SNTG1: variants seen among roughly 807,000 people sequenced by gnomAD.
SNTG1 encodes syntrophin gamma 1.
In SNTG1, 39 loss-of-function variants were observed where a neutral mutation model predicts 74.7. The observed-to-expected ratio is 0.52, with a 90% CI of 0.40 to 0.68. The LOEUF (loss-of-function observed/expected upper bound fraction) is 0.68. Ranked by LOEUF, SNTG1 falls within the 30% of genes least tolerant of loss-of-function variation. The pLI, the probability that SNTG1 is intolerant of heterozygous loss-of-function variation, is 0.00. For synonymous variants in SNTG1, 254 were observed against 217.1 expected (o/e 1.17, Z -1.49); for missense variants, 685 against 609.5 (o/e 1.12, Z -1.30).
chr8:50,076,882 T>A (rs1002970098), intron 1 of SNTG1, among the ~76,000 whole-genome samples: 1 of 152,122 alleles, frequency 6.6e-6, no homozygotes, highest in Non-Finnish European at 1.5e-5. Flanking sequence ...TAAAAAACAT[T>A]TAAGTAGATT....
chr8:50,323,126 T>C (rs971057352), intron 2 of SNTG1, among the ~76,000 whole-genome samples: 2 of 150,248 alleles, frequency 1.3e-5, no homozygotes, highest in African/African-American at 4.9e-5. Context: ...AAAAAAAAGA[T>C]ACTCTGATAC....
At chr8:50,466,940 T>A (rs1313923686) in intron 8 of SNTG1, among the ~76,000 whole-genome samples, 1 of 151,992 alleles carries the variant, frequency 6.6e-6, no homozygotes, top group Non-Finnish European at 1.5e-5. Context: ...GTTTTGGTTT[T>A]GCTTCTGGTA....
chr8:50,135,142 C>A (rs1018852342), intron 1 of SNTG1, among the ~76,000 whole-genome samples: 2 of 152,102 alleles, frequency 1.3e-5, no homozygotes, highest in African/African-American at 4.8e-5. Context: ...CAAAGCCCTA[C>A]CCCCTGTCAA....
In SNTG1 at chr8:50,172,545, T is replaced by C. The variant is rs2082843950; in HGVS notation, c.-102-16T>C. On this transcript the variant is annotated splice_polypyrimidine_tract_variant and intron_variant, in intron 1 of 18. Transcript: ENST00000642720. ...GAATGCTCATAGGACTTATTTTTTT[T>C]TATTTCTGCATCTAGACTGCTCTCC... 1 of 152,154 alleles carries C rather than the reference T, an allele frequency of 6.6e-6. No individual in the cohort carries two copies. Among genetic ancestry groups the C allele is most frequent in the Non-Finnish European group, 1.5e-5 (1 of 68,034 alleles). The allele number at this position is 152,154 out of a possible 1,614,324, so 9.4% of individuals were successfully genotyped here. A position where few individuals can be genotyped will look rare whatever the true frequency, so the allele number is the denominator to read the frequency against.
chr8:50,427,155 C>T (rs1587586514), intron 4 of SNTG1, among the ~76,000 whole-genome samples: 1 of 152,062 alleles, frequency 6.6e-6, no homozygotes, highest in East Asian at 1.9e-4. Context: ...GTAAAGGTTT[C>T]ATGAAAAGCA....
At chr8:50,019,413 T>C (rs1585918957) in intron 1 of SNTG1, among the ~76,000 whole-genome samples, 1 of 152,172 alleles carries the variant, frequency 6.6e-6, no homozygotes, top group East Asian at 1.9e-4. Context: ...TACCTTAAGA[T>C]GGATAAAGAA....
At chr8:50,537,025 T>C (rs1439331643) in intron 11 of SNTG1, among the ~76,000 whole-genome samples, 1 of 152,256 alleles carries the variant, frequency 6.6e-6, no homozygotes, top group African/African-American at 2.4e-5. Flanking sequence ...CTTATTGTAA[T>C]GGATTCAATA....
rs528289771 is a variant in SNTG1, at chr8:50,524,105, TC to T, written c.467-6070del. Among the ~76,000 whole-genome samples, 312 of 152,266 alleles carry T rather than the reference TC, an allele frequency of 2.0e-3. 2 individuals carry two copies. Among genetic ancestry groups the T allele is most frequent in the African/African-American group, 7.0e-3 (291 of 41,572 alleles). ...TGTTTTTTGTAGTTCCATGCTTTGA[TC>T]CTTTTATCAATTTCTTTTGTGTACC... On this transcript the variant is annotated intron_variant, in intron 9 of 18. Coordinates refer to ENST00000642720, the MANE Select transcript of SNTG1 (RefSeq NM_018967.5).
At chr8:50,669,047 G>C (rs947476049) in intron 15 of SNTG1, among the ~76,000 whole-genome samples, 1 of 151,930 alleles carries the variant, frequency 6.6e-6, no homozygotes, top group African/African-American at 2.4e-5. Flanking sequence ...AGAGTGTAGA[G>C]GAAAATTTAT....
intron 18 of SNTG1, among the ~76,000 whole-genome samples, chr8:50,773,319 G>A (rs1053424430): frequency 3.9e-5 from 6 of 152,212 alleles, no homozygotes; most frequent in Middle Eastern, 3.4e-3. Flanking sequence ...GAACCTAGAA[G>A]GGCACATGAA....
chr8:50,463,826 T>C (rs1729799914), intron 8 of SNTG1, among the ~76,000 whole-genome samples: 1 of 152,220 alleles, frequency 6.6e-6, no homozygotes, highest in Non-Finnish European at 1.5e-5. Context: ...TTCTCCTCTC[T>C]AGCTATGAAA....
chr8:50,013,493 AG>A, intron 1 of SNTG1, among the ~76,000 whole-genome samples: 1 of 151,900 alleles, frequency 6.6e-6, no homozygotes, highest in African/African-American at 2.4e-5. Flanking sequence ...ATAGATAGAT[AG>A]ATAGATAGAT....
intron 11 of SNTG1, among the ~76,000 whole-genome samples, chr8:50,548,455 G>C (rs999821438): frequency 6.6e-6 from 1 of 152,142 alleles, no homozygotes; most frequent in Non-Finnish European, 1.5e-5. Flanking sequence ...GAGCTGTCTT[G>C]GATAACATCA....
At chr8:50,292,920 G>A (rs1434785570) in intron 2 of SNTG1, among the ~76,000 whole-genome samples, 1 of 111,548 alleles carries the variant, frequency 9.0e-6, no homozygotes, top group East Asian at 6.5e-4. Context: ...CAGCATTGAA[G>A]GAGACCCTAG....
At chr8:50,182,030 T>G (rs537354896) in intron 2 of SNTG1, among the ~76,000 whole-genome samples, 89 of 152,324 alleles carry the variant, frequency 5.8e-4, no homozygotes, top group African/African-American at 2.0e-3. Context: ...CTACACTTCT[T>G]TGTTACAGTA....
chr8:50,569,122 G>A (rs1443136734), intron 12 of SNTG1: 2 of 152,176 alleles, frequency 1.3e-5, no homozygotes, highest in South Asian at 2.1e-4. Flanking sequence ...AGTTTGGCCA[G>A]TACTTAACTT....
At chr8:50,240,238 GGCTTTGCGTATTGTTT>G (rs1291930185) in intron 2 of SNTG1, among the ~76,000 whole-genome samples, 1 of 152,276 alleles carries the variant, frequency 6.6e-6, no homozygotes, top group Non-Finnish European at 1.5e-5. Flanking sequence ...ATGCAGGCAA[GGCTTTGCGTATTGTTT>G]GCTTTCACAA....
At chr8:50,605,361 A>G (rs777633405) in intron 13 of SNTG1, among the ~76,000 whole-genome samples, 6 of 152,006 alleles carry the variant, frequency 3.9e-5, no homozygotes, top group Non-Finnish European at 7.4e-5. Flanking sequence ...TTTCAACTTT[A>G]CTTAGGATGC....
chr8:50,045,879 A>G lies in SNTG1; in HGVS notation c.-102-126682A>G, dbSNP rs187701671. On this transcript the variant is annotated intron_variant, in intron 1 of 18. Transcript: ENST00000642720. ...AATTTGTAAGACATTGTTCAGTTGT[A>G]CTGGCCACCAAAGCTCTAAGAACTT... 5.4e-4 allele frequency among the ~76,000 whole-genome samples: 83 copies of G among 152,308 alleles called. 1 individual carries two copies. Among genetic ancestry groups the G allele is most frequent in the Admixed American group, 4.7e-3 (72 of 15,306 alleles).
Sources: gnomAD v4.1 joint callset for allele counts (sites outside exome capture counted in the v4.1 genomes callset) on GRCh38, gnomAD v4.1.1 for gene constraint, MANE v1.5 for transcripts, NCBI Gene and HGNC (gene_info 2026-07-23, HGNC 2026-07-21) for gene names.